The following CRACD variants were observed in gnomAD, a reference collection of about 807,000 sequenced individuals.
CRACD encodes capping protein-inhibiting regulator of actin dynamics.
In CRACD, 56 loss-of-function variants were observed where a neutral mutation model predicts 106.8. The ratio of observed to expected loss-of-function variants is 0.52; its 90% CI spans 0.42 to 0.66. The LOEUF (loss-of-function observed/expected upper bound fraction) is 0.66, where lower values mean the gene tolerates loss of function less well. Ranked by LOEUF, CRACD falls within the 30% of genes least tolerant of loss-of-function variation. The pLI is 0.00. For synonymous variants in CRACD, 754 were observed against 670.8 expected (o/e 1.12, Z -1.92); for missense variants, 1,730 against 1,623.2 (o/e 1.07, Z -1.13).
At chr4:56,055,996 G>A (rs1732046251) in intron 1 of CRACD, among the ~76,000 whole-genome samples, 1 of 152,204 alleles carries the variant, frequency 6.6e-6, no homozygotes, top group South Asian at 2.1e-4. Flanking sequence ...TATCTTAATA[G>A]ATAGAAGATA....
chr4:56,190,973 A>G (rs1279388542), intron 2 of CRACD, among the ~76,000 whole-genome samples: 1 of 152,170 alleles, frequency 6.6e-6, no homozygotes, highest in Non-Finnish European at 1.5e-5. Flanking sequence ...CACTAGATAC[A>G]TGAGGATTAT....
chr4:56,322,872 TACA>T (rs777449390), intron 8 of CRACD, among the ~76,000 whole-genome samples: 5 of 152,032 alleles, frequency 3.3e-5, no homozygotes, highest in African/African-American at 1.2e-4. Flanking sequence ...CTACTAAAAA[TACA>T]ACAATTTGCC....
At chr4:56,225,477 C>G (rs1739253656) in intron 2 of CRACD, among the ~76,000 whole-genome samples, 1 of 152,192 alleles carries the variant, frequency 6.6e-6, no homozygotes, top group Non-Finnish European at 1.5e-5. Context: ...TATCTGTTCT[C>G]TTTCCTCCAT....
chr4:56,129,184 T>C (rs946533624), intron 1 of CRACD, among the ~76,000 whole-genome samples: 3 of 152,116 alleles, frequency 2.0e-5, no homozygotes, highest in Admixed American at 6.5e-5. Flanking sequence ...CAAGCAATCC[T>C]CCCCCCTCAG....
At chr4:56,171,201 A>G (rs965868991) in intron 1 of CRACD, among the ~76,000 whole-genome samples, 1 of 152,242 alleles carries the variant, frequency 6.6e-6, no homozygotes, top group African/African-American at 2.4e-5. Context: ...CCAACACTGC[A>G]CATGTATAAA....
chr4:56,239,013 C>G (rs747795253), intron 2 of CRACD, among the ~76,000 whole-genome samples: 2 of 152,116 alleles, frequency 1.3e-5, no homozygotes, highest in Non-Finnish European at 2.9e-5. Flanking sequence ...GCACTTCAGG[C>G]GGGGTGCAAT....
chr4:56,269,875 A>G (rs1173929757), intron 2 of CRACD, among the ~76,000 whole-genome samples: 2 of 152,168 alleles, frequency 1.3e-5, no homozygotes, highest in African/African-American at 4.8e-5. Flanking sequence ...GGGGATTACA[A>G]TTCAACATGA....
intron 2 of CRACD, among the ~76,000 whole-genome samples, chr4:56,181,788 C>T (rs1242875267): frequency 1.3e-5 from 2 of 152,166 alleles, no homozygotes; most frequent in African/African-American, 2.4e-5. Flanking sequence ...TCTGTGTCTG[C>T]ACATGGCTGT....
intron 3 of CRACD, 72 bp from the exon 4 acceptor site, chr4:56,298,141 AG>A: frequency 4.0e-6 from 6 of 1,501,310 alleles, no homozygotes; most frequent in Middle Eastern, 1.8e-4. Flanking sequence ...CCCTCCAATC[AG>A]GAATAATGGA....
chr4:56,113,404 G>C (rs532010527), intron 1 of CRACD, among the ~76,000 whole-genome samples: 1 of 152,144 alleles, frequency 6.6e-6, no homozygotes, highest in Non-Finnish European at 1.5e-5. Context: ...CTTTTTCCTA[G>C]TTTGCAAAAA....
intron 1 of CRACD, among the ~76,000 whole-genome samples, chr4:56,115,912 C>T (rs1023857942): frequency 6.6e-6 from 1 of 152,208 alleles, no homozygotes; most frequent in African/African-American, 2.4e-5. Context: ...ATTTTTCAGT[C>T]ATTAGAATTC....
At chr4:56,306,968 C>T (rs947166613) in intron 4 of CRACD, among the ~76,000 whole-genome samples, 2 of 152,164 alleles carry the variant, frequency 1.3e-5, no homozygotes, top group African/African-American at 4.8e-5. Flanking sequence ...GGCAGCGACC[C>T]AGTGTGGCAG....
chr4:56,317,331 ACACT>A (rs931156778), intron 8 of CRACD, among the ~76,000 whole-genome samples: 1 of 152,202 alleles, frequency 6.6e-6, no homozygotes, highest in Admixed American at 6.5e-5. Context: ...TTCCCGAAAG[ACACT>A]CACTCGTGAT....
chr4:56,208,627 T>A (rs551420861), intron 2 of CRACD, among the ~76,000 whole-genome samples: 8 of 152,222 alleles, frequency 5.3e-5, no homozygotes, highest in Non-Finnish European at 2.9e-5. Flanking sequence ...AGGTTAAACA[T>A]CATTTATTAT....
chr4:56,269,835 C>T (rs1742245354), intron 2 of CRACD, among the ~76,000 whole-genome samples: 1 of 152,160 alleles, frequency 6.6e-6, no homozygotes. Context: ...ATGATCCAGT[C>T]ACCTCCCACC....
chr4:56,085,231 A>G (rs1355096100), intron 1 of CRACD, among the ~76,000 whole-genome samples: 6 of 152,232 alleles, frequency 3.9e-5, no homozygotes, highest in Non-Finnish European at 7.3e-5. Flanking sequence ...TGTGCTGCGC[A>G]TGACTAAATA....
chr4:56,309,133 GTCTCT>G, intron 5 of CRACD: 1 of 401,556 alleles, frequency 2.5e-6, no homozygotes, highest in Non-Finnish European at 5.0e-6. Flanking sequence ...TGGTGGAGAG[GTCTCT>G]TATTTGGGTG....
intron 4 of CRACD, chr4:56,301,152 A>T: frequency 2.0e-6 from 2 of 1,023,860 alleles, no homozygotes; most frequent in African/African-American, 1.7e-5. Context: ...TATCATAGAA[A>T]ATGTGATTTT....
intron 1 of CRACD, among the ~76,000 whole-genome samples, chr4:56,169,655 C>T (rs987744981): frequency 6.6e-6 from 1 of 152,110 alleles, no homozygotes; most frequent in Non-Finnish European, 1.5e-5. Context: ...CACCACCACA[C>T]CCAGCTAATT....
Sources: gnomAD v4.1 joint callset for allele counts (sites outside exome capture counted in the v4.1 genomes callset) on GRCh38, gnomAD v4.1.1 for gene constraint, MANE v1.5 for transcripts, NCBI Gene and HGNC (gene_info 2026-07-23, HGNC 2026-07-21) for gene names.